Variants in DPH6 observed in about 807,000 individuals in gnomAD.
DPH6 encodes diphthine--ammonia ligase.
DPH6 carries 33 observed loss-of-function variants against 38.2 expected under a neutral mutation model. That is an observed-to-expected ratio of 0.86 (90% CI 0.65 to 1.15). DPH6 has a LOEUF of 1.15. DPH6 is among the 50% of genes most tolerant of loss of function. DPH6 has a pLI of 0.00. For missense variants in DPH6, 325 were observed against 320.0 expected (o/e 1.02, Z -0.12); for synonymous variants, 108 against 103.0 (o/e 1.05, Z -0.30).
intron 3 of DPH6, among the ~76,000 whole-genome samples, chr15:35,310,295 T>G: frequency 6.6e-6 from 1 of 152,212 alleles, no homozygotes; most frequent in East Asian, 1.9e-4. Flanking sequence ...TTAAGGGTTA[T>G]AATTACAACA....
chr15:35,246,346 A>G (rs532612733), intron 3 of DPH6, among the ~76,000 whole-genome samples: 9 of 152,362 alleles, frequency 5.9e-5, no homozygotes, highest in African/African-American at 2.2e-4. Context: ...TAATTGTCAG[A>G]CACTGCTTCA....
intron 3 of DPH6, chr15:35,519,309 G>A (rs1462842570): frequency 6.6e-6 from 1 of 151,834 alleles, no homozygotes; most frequent in Non-Finnish European, 1.5e-5. Flanking sequence ...GGAATAAATA[G>A]AAGTCAAATT....
intron 3 of DPH6, among the ~76,000 whole-genome samples, chr15:35,455,109 G>A (rs1487670471): frequency 2.0e-5 from 3 of 152,082 alleles, no homozygotes; most frequent in South Asian, 4.1e-4. Flanking sequence ...CACACTTAAC[G>A]TATTTTTAAA....
intron 5 of DPH6, among the ~76,000 whole-genome samples, chr15:35,436,504 C>CAAACAAAA (rs1189101516): frequency 9.2e-6 from 1 of 108,216 alleles, no homozygotes; most frequent in Non-Finnish European, 1.7e-5. Context: ...CAAAACAAAA[C>CAAACAAAA]AAAACAAAAC....
At chr15:35,187,752 G>A in the DPH6 span, among the ~76,000 whole-genome samples, 1 of 152,100 alleles carries the variant, frequency 6.6e-6, no homozygotes, top group Non-Finnish European at 1.5e-5. Flanking sequence ...TCGGGAGGCT[G>A]AGGTGGGAGG....
chr15:35,163,283 T>A, the DPH6 span, among the ~76,000 whole-genome samples: 5 of 151,978 alleles, frequency 3.3e-5, no homozygotes, highest in East Asian at 9.7e-4. Flanking sequence ...CTGCCATTTA[T>A]CTTTCCCCCT....
chr15:35,518,975 C>G (rs1237659402), intron 3 of DPH6: 1 of 151,852 alleles, frequency 6.6e-6, no homozygotes, highest in African/African-American at 2.4e-5. Flanking sequence ...ATAGTGAATA[C>G]ATGAAGAAAC....
chr15:35,268,426 AT>A (rs1199746521), intron 3 of DPH6, among the ~76,000 whole-genome samples: 1 of 151,668 alleles, frequency 6.6e-6, no homozygotes, highest in Non-Finnish European at 1.5e-5. Context: ...TAAGGAAAGA[AT>A]GGGTGACATA....
At chr15:35,436,436 A>T (rs1314439691) in intron 5 of DPH6, among the ~76,000 whole-genome samples, 1 of 150,008 alleles carries the variant, frequency 6.7e-6, no homozygotes, top group East Asian at 2.0e-4. Context: ...ACTGCGCTCC[A>T]GCCTGGGAGA....
chr15:35,322,028 G>A (rs576750626), intron 3 of DPH6, among the ~76,000 whole-genome samples: 1 of 152,156 alleles, frequency 6.6e-6, no homozygotes, highest in Non-Finnish European at 1.5e-5. Flanking sequence ...TCACAAGGGT[G>A]TAGAAAATAG....
chr15:35,228,674 T>A (rs2051498434), intron 3 of DPH6, among the ~76,000 whole-genome samples: 1 of 152,192 alleles, frequency 6.6e-6, no homozygotes, highest in Non-Finnish European at 1.5e-5. Flanking sequence ...AGATAATTTC[T>A]TATTGCTCAT....
At chr15:35,386,909 C>G (rs2052968662) in intron 6 of DPH6, among the ~76,000 whole-genome samples, 1 of 152,140 alleles carries the variant, frequency 6.6e-6, no homozygotes, top group South Asian at 2.1e-4. Flanking sequence ...GACATGAAGT[C>G]CTTGCCCATG....
At chr15:35,209,716 AG>A in the DPH6 span, among the ~76,000 whole-genome samples, 3 of 152,218 alleles carry the variant, frequency 2.0e-5, no homozygotes, top group Non-Finnish European at 2.9e-5. Context: ...AGATAAAATT[AG>A]TGATGACTAT....
At chr15:35,381,077 A>C (rs957387717) in intron 7 of DPH6, among the ~76,000 whole-genome samples, 2 of 152,188 alleles carry the variant, frequency 1.3e-5, no homozygotes, top group Non-Finnish European at 2.9e-5. Context: ...CCTCATTATT[A>C]ATATGCACAA....
At chr15:35,167,550 CA>C in the DPH6 span, among the ~76,000 whole-genome samples, 8 of 129,530 alleles carry the variant, frequency 6.2e-5, no homozygotes, top group Admixed American at 7.0e-4. Flanking sequence ...CTGTTCCATA[CA>C]GAGATTTTAT....
chr15:35,462,024 T>G lies in DPH6; in HGVS notation c.313-7204A>C, dbSNP rs115655229. Reference sequence around the variant, plus strand: ...CCTCATTTTAGGAAATGGCACAACATGTATATTGTTATTCAGGCCAAAAAC... The same window carrying G: ...CCTCATTTTAGGAAATGGCACAACAGGTATATTGTTATTCAGGCCAAAAAC... On this transcript the variant is annotated intron_variant, in intron 3 of 8. Transcript: ENST00000256538. Among the ~76,000 whole-genome samples, 1,015 of 152,274 alleles carry G rather than the reference T, an allele frequency of 6.7e-3. 18 individuals carry two copies. Among genetic ancestry groups the G allele is most frequent in the African/African-American group, 0.023 (968 of 41,544 alleles).
chr15:35,284,801 ATTT>A lies in DPH6; in HGVS notation n.201-64222_201-64220del, dbSNP rs71123127. ...GAAAATTCATGGGTGAAGTCTCCAAATTTTTTTTTTTTTTTTTTTTTTTTTTTT... is the reference window on the plus strand; with the variant it reads ...GAAAATTCATGGGTGAAGTCTCCAAATTTTTTTTTTTTTTTTTTTTTTTTT... On this transcript the variant is annotated intron_variant and non_coding_transcript_variant, in intron 3 of 3. Transcript: ENST00000560386. Among the ~76,000 whole-genome samples, 142 of 79,238 alleles carry A rather than the reference ATTT, an allele frequency of 1.8e-3. 1 individual carries two copies. The highest frequency in any genetic ancestry group is 6.9e-3 in the African/African-American group (120 of 17,494). 52.0% of individuals were successfully genotyped at this position (79,238 alleles called of 152,430 possible).
At chr15:35,334,336 T>C (rs984004021) in intron 3 of DPH6, among the ~76,000 whole-genome samples, 1 of 152,188 alleles carries the variant, frequency 6.6e-6, no homozygotes, top group African/African-American at 2.4e-5. Context: ...TTGTATATTA[T>C]GATAGCAAAA....
intron 3 of DPH6, among the ~76,000 whole-genome samples, chr15:35,365,546 A>G (rs1053441765): frequency 3.9e-5 from 6 of 152,164 alleles, no homozygotes; most frequent in Non-Finnish European, 5.9e-5. Flanking sequence ...ATTGGTTAGC[A>G]TAACAACTAG....
Sources: gnomAD v4.1 joint callset for allele counts (sites outside exome capture counted in the v4.1 genomes callset) on GRCh38, gnomAD v4.1.1 for gene constraint, MANE v1.5 for transcripts, NCBI Gene and HGNC (gene_info 2026-07-23, HGNC 2026-07-21) for gene names.